The following PHF20L1 variants were observed in gnomAD, a reference collection of about 807,000 sequenced individuals.
PHF20L1 encodes the protein PHD finger protein 20-like protein 1.
In PHF20L1, 44 loss-of-function variants were observed where a neutral mutation model predicts 125.5. The observed-to-expected ratio is 0.35, with a 90% confidence interval of 0.28 to 0.45. The LOEUF (loss-of-function observed/expected upper bound fraction) is 0.45. Among genes scored for constraint, PHF20L1 ranks in the 20% least tolerant of loss-of-function variants. The pLI, the probability that PHF20L1 is intolerant of heterozygous loss-of-function variation, is 1.00. For synonymous variants in PHF20L1, 380 were observed against 403.1 expected (o/e 0.94, Z 0.69); for missense variants, 1,012 against 1,217.2 (o/e 0.83, Z 2.51).
In PHF20L1 at chr8:132,843,273, T is replaced by C. The variant is rs1049274952; in HGVS notation, c.2748+398T>C. The C allele has an allele frequency of 3.1e-5, 31 of 984,918 alleles. No individual in the cohort carries two copies. In the African/African-American group the frequency reaches 4.9e-4, roughly 16 times the overall value. 61.0% of individuals were successfully genotyped at this position (984,918 alleles called of 1,614,324 possible). A position where few individuals can be genotyped will look rare whatever the true frequency, so the allele number is the denominator to read the frequency against. ...AAAAGGTGGCACTCTAATTGTCTGTTTAAAAAATTTTAGCATGTTTGTCAA... is the reference window on the plus strand; with the variant it reads ...AAAAGGTGGCACTCTAATTGTCTGTCTAAAAAATTTTAGCATGTTTGTCAA... On this transcript the variant is annotated intron_variant, in intron 19 of 20. Coordinates refer to ENST00000395386, the MANE Select transcript of PHF20L1 (RefSeq NM_016018.5).
At chr8:132,830,160 C>G (rs1329882695) in intron 14 of PHF20L1, among the ~76,000 whole-genome samples, 1 of 152,008 alleles carries the variant, frequency 6.6e-6, no homozygotes, top group Non-Finnish European at 1.5e-5. Flanking sequence ...CTTCTAGTTT[C>G]CAGAGGCTTC....
chr8:132,836,552 T>C lies in PHF20L1; in HGVS notation c.1922T>C (p.Val641Ala), dbSNP rs760104933. Reference protein sequence around the residue: ...VDLSGENLSDVDFLDDSSTES... With the variant: ...VDLSGENLSDADFLDDSSTES... ...GTATATATTCTAGACTTATCAGATG[T>C]AGACTTCCTAGATGATTCTTCAACG... is the stretch of plus-strand genomic sequence containing the variant. The change falls in exon 16 of 21, where the codon GTA (valine) becomes GCA (alanine). Residue 641 changes from valine to alanine, a missense_variant. Physicochemically the swap from Val to Ala is moderately conservative, Grantham distance 64. Around this residue, in one of 7 missense-constraint regions of PHF20L1, gnomAD observed 320 missense variants for 293.8 expected, o/e 1.09. Coordinates refer to ENST00000395386, the MANE Select transcript of PHF20L1 (RefSeq NM_016018.5). 3.1e-6 allele frequency: 5 copies of C among 1,606,054 alleles called. No individual in the cohort carries two copies. Among genetic ancestry groups the C allele is most frequent in the Non-Finnish European group, 4.3e-6 (5 of 1,173,356 alleles).
In PHF20L1 at chr8:132,846,556, C is replaced by A. The variant is rs1838433562; in HGVS notation, c.*633C>A. On this transcript the variant is annotated 3_prime_UTR_variant, in exon 21 of 21. Transcript: ENST00000395386. ...CTTCATTATGAATGTATTTAAAAAA[C>A]AAACACCAAATAATTGGAATATATT... The A allele has an allele frequency of 6.6e-6, 1 of 152,510 alleles. No homozygotes were observed. The highest frequency in any genetic ancestry group is 6.6e-5 in the Admixed American group (1 of 15,256). The allele number at this position is 152,510 out of a possible 1,614,324, so 9.4% of individuals were successfully genotyped here. A position where few individuals can be genotyped will look rare whatever the true frequency, so the allele number is the denominator to read the frequency against.
intron 2 of PHF20L1, among the ~76,000 whole-genome samples, chr8:132,785,169 G>A (rs527651697): frequency 2.6e-5 from 4 of 152,212 alleles, no homozygotes; most frequent in East Asian, 1.9e-4. Flanking sequence ...CAGCCATCAC[G>A]TATCACACAC....
rs1431414797 is a variant in PHF20L1 at position 132,846,573 on chromosome 8, GA to G, written c.*652del. 6.6e-6 allele frequency: 1 copy of G among 152,458 alleles called. No individual in the cohort carries two copies. Among genetic ancestry groups the G allele is most frequent in the African/African-American group, 2.4e-5 (1 of 41,402 alleles). The allele number at this position is 152,458 out of a possible 1,614,324, so 9.4% of individuals were successfully genotyped here. On this transcript the variant is annotated 3_prime_UTR_variant, in exon 21 of 21. Coordinates refer to ENST00000395386, the MANE Select transcript of PHF20L1 (RefSeq NM_016018.5). Reference sequence around the variant, plus strand: ...TTAAAAAACAAACACCAAATAATTGGAATATATTGCAGGCATTAAGCTCATT... The same window carrying G: ...TTAAAAAACAAACACCAAATAATTGGATATATTGCAGGCATTAAGCTCATT...
In PHF20L1 at chr8:132,797,657, A is replaced by G. The variant is rs142503067; in HGVS notation, c.341-1115A>G. On this transcript the variant is annotated intron_variant, in intron 4 of 20. Coordinates refer to ENST00000395386, the MANE Select transcript of PHF20L1 (RefSeq NM_016018.5). ...TTACATCCTTGCTATTCGCCTGATC[A>G]GTTGTTTGCATAACTTGAATTTAGA... Among the ~76,000 whole-genome samples the G allele has an allele frequency of 2.7e-4, 41 of 152,180 alleles. No individual in the cohort carries two copies. The East Asian group carries it at 4.2e-3, about 16-fold the overall frequency.
At position 132,839,403 on chromosome 8, in the gene PHF20L1, A is replaced by G; in HGVS notation, c.2208A>G (p.Ala736=). The change falls in exon 18 of 21, where the codon GCA becomes GCG. Residue 736 remains alanine, a synonymous_variant. Transcript: ENST00000395386. ...CRDPPGQRWS[A]KYRYDKEWLN... is the part of the protein sequence containing the mutation. ...CATCTGCAGGTCAGAGGTGGAGTGC[A>G]AAATATCGTTATGATAAGGAGTGGT... 6.2e-7 allele frequency: 1 copy of G among 1,612,870 alleles called. No homozygotes were observed.
At chr8:132,780,324 A>G (rs1262931869) in intron 2 of PHF20L1, among the ~76,000 whole-genome samples, 2 of 152,168 alleles carry the variant, frequency 1.3e-5, no homozygotes, top group East Asian at 3.8e-4. Flanking sequence ...TTATTTATAA[A>G]TAGGATAATA....
rs1268632469 is a variant in PHF20L1 at position 132,814,819 on chromosome 8, C to T, written c.1113C>T (p.Ser371=). The T allele has an allele frequency of 6.2e-7, 1 of 1,611,740 alleles. No individual in the cohort carries two copies. Among genetic ancestry groups the T allele is most frequent in the East Asian group, 2.2e-5 (1 of 44,830 alleles). ...TAAAACCCCCTAAATCACCACTTTC[C>T]CCAGAATTAATACAAGTCGAGGATT... ...GCIKPPKSPL[S]PELIQVEDLT... The change falls in exon 10 of 21, where the codon TCC becomes TCT. Residue 371 remains serine (S), a synonymous_variant. Coordinates refer to ENST00000395386, the MANE Select transcript of PHF20L1 (RefSeq NM_016018.5).
chr8:132,834,107 T>G (rs1255347980), intron 15 of PHF20L1, among the ~76,000 whole-genome samples: 1 of 152,114 alleles, frequency 6.6e-6, no homozygotes, highest in Admixed American at 6.6e-5. Flanking sequence ...TATTCAAGCG[T>G]AAGGGGGAAC....
At chr8:132,814,456 C>A (rs1834746195) in intron 9 of PHF20L1, among the ~76,000 whole-genome samples, 181 bp from the exon 10 acceptor site, 1 of 151,706 alleles carries the variant, frequency 6.6e-6, no homozygotes, top group Non-Finnish European at 1.5e-5. Flanking sequence ...TTAAAGACAG[C>A]CTATTCAACT....
Position 132,794,828 on chromosome 8 carries a change from G to C in PHF20L1, c.340+11G>C. 1 of 1,538,382 alleles carries C rather than the reference G, an allele frequency of 6.5e-7. No individual in the cohort carries two copies. The highest frequency in any genetic ancestry group is 1.1e-5 in the South Asian group (1 of 87,214). On this transcript the variant is annotated intron_variant, in intron 4 of 20. Coordinates refer to ENST00000395386, the MANE Select transcript of PHF20L1 (RefSeq NM_016018.5). ...CAATTAACAAAGAAGGTATGTGTTT[G>C]AAATGATCTGAGACTTAAAATTAGA... is the stretch of plus-strand genomic sequence containing the variant.
At chr8:132,776,458 C>G (rs1460006189) in intron 1 of PHF20L1, among the ~76,000 whole-genome samples, 1 of 152,204 alleles carries the variant, frequency 6.6e-6, no homozygotes, top group African/African-American at 2.4e-5. Flanking sequence ...TAAAAATATT[C>G]ATACATTTGT....
At chr8:132,804,521 G>A (rs1385433701) in intron 7 of PHF20L1, 94 bp from the exon 8 acceptor site, 4 of 926,590 alleles carry the variant, frequency 4.3e-6, no homozygotes, top group Non-Finnish European at 6.6e-6. Flanking sequence ...AAAAACTAAT[G>A]TGCAAAGCAT....
Position 132,836,411 on chromosome 8 carries a change from C to A in PHF20L1, c.1910-129C>A. 7.9e-6 allele frequency: 5 copies of A among 634,114 alleles called. No homozygotes were observed. The South Asian group carries it at 1.0e-4, about 13-fold the overall frequency. The allele number at this position is 634,114 out of a possible 1,614,324, so 39.3% of individuals were successfully genotyped here. A position where few individuals can be genotyped will look rare whatever the true frequency, so the allele number is the denominator to read the frequency against. On this transcript the variant is annotated intron_variant, in intron 15 of 20. Coordinates refer to ENST00000395386, the MANE Select transcript of PHF20L1 (RefSeq NM_016018.5). The stretch of plus-strand genomic sequence containing the variant: ...CCAGAGACAAGTACAGTACAGTATT[C>A]TTATTTGTTTGCTCCCCCTTTTTAA...
In PHF20L1 at chr8:132,843,806, A is replaced by C. The variant is rs561795709; in HGVS notation, c.2749-350A>C. ...ATCATTGCTTTCCACTCTTATGTCC[A>C]CTTATATCACCAGCTGAGATTAATT... On this transcript the variant is annotated intron_variant, in intron 19 of 20. Transcript: ENST00000395386. 778 of 985,162 alleles carry C rather than the reference A, an allele frequency of 7.9e-4. 1 individual carries two copies. The highest frequency in any genetic ancestry group is 2.1e-3 in the Middle Eastern group (4 of 1,914). 61.0% of individuals were successfully genotyped at this position (985,162 alleles called of 1,614,324 possible). A position where few individuals can be genotyped will look rare whatever the true frequency, so the allele number is the denominator to read the frequency against.
chr8:132,836,125 C>T (rs1049989798), intron 15 of PHF20L1, among the ~76,000 whole-genome samples: 3 of 152,116 alleles, frequency 2.0e-5, no homozygotes, highest in African/African-American at 7.2e-5. Context: ...CTACACACAC[C>T]TGTCCCCAGG....
chr8:132,775,394 G>A lies in PHF20L1; in HGVS notation c.-289G>A. On this transcript the variant is annotated 5_prime_UTR_variant, in exon 1 of 21. Coordinates refer to ENST00000395386, the MANE Select transcript of PHF20L1 (RefSeq NM_016018.5). ...CGGGGCCCGGCGTCGCGTCAGGGCT[G>A]GCCGGCGGCGGAGGCGGCGGCGGCG... 2.6e-6 allele frequency: 1 copy of A among 379,698 alleles called. No individual in the cohort carries two copies. Among genetic ancestry groups the A allele is most frequent in the Admixed American group, 4.6e-5 (1 of 21,716 alleles). 23.5% of individuals were successfully genotyped at this position (379,698 alleles called of 1,614,324 possible). A position where few individuals can be genotyped will look rare whatever the true frequency, so the allele number is the denominator to read the frequency against.
Position 132,846,836 on chromosome 8 carries a change from A to T in PHF20L1, c.*913A>T, listed in dbSNP as rs1838453481. 1 of 152,484 alleles carries T rather than the reference A, an allele frequency of 6.6e-6. No individual in the cohort carries two copies. Among genetic ancestry groups the T allele is most frequent in the Admixed American group, 6.6e-5 (1 of 15,230 alleles). 9.4% of individuals were successfully genotyped at this position (152,484 alleles called of 1,614,324 possible). A position where few individuals can be genotyped will look rare whatever the true frequency, so the allele number is the denominator to read the frequency against. Reference sequence around the variant, plus strand: ...TGCTTGGTGTTTGCCTTCAGAAAAAAAAAAATACATTGTAAATAACCTCAG... The same window carrying T: ...TGCTTGGTGTTTGCCTTCAGAAAAATAAAAATACATTGTAAATAACCTCAG... On this transcript the variant is annotated 3_prime_UTR_variant, in exon 21 of 21. Transcript: ENST00000395386.
Sources: gnomAD v4.1 joint callset for allele counts (sites outside exome capture counted in the v4.1 genomes callset) on GRCh38, gnomAD v4.1.1 for gene constraint, gnomAD v4.1.1 regional missense constraint, MANE v1.5 for transcripts, NCBI Gene and HGNC (gene_info 2026-07-23, HGNC 2026-07-21) for gene names.